Variants in RALYL observed in about 807,000 individuals in gnomAD.
RALYL encodes the protein RALY RNA binding protein like, also known as RNA-binding Raly-like protein.
RALYL carries 29 observed loss-of-function variants against 35.1 expected under a neutral mutation model. That is an observed-to-expected ratio of 0.83 (90% CI 0.61 to 1.13). The LOEUF is 1.13. RALYL is among the 50% of genes most tolerant of loss of function. The pLI is 0.00. For missense variants in RALYL, 359 were observed against 360.4 expected (o/e 1.00, Z 0.03); for synonymous variants, 120 against 127.6 (o/e 0.94, Z 0.40).
intron 2 of RALYL, among the ~76,000 whole-genome samples, chr8:84,700,717 T>C (rs766462229): frequency 3.9e-5 from 6 of 152,208 alleles, no homozygotes; most frequent in Admixed American, 1.3e-4. Flanking sequence ...TTAAATATTT[T>C]AGTAACTATT....
intron 8 of RALYL, among the ~76,000 whole-genome samples, chr8:84,917,226 C>A (rs542137286): frequency 1.3e-5 from 2 of 151,562 alleles, no homozygotes; most frequent in Non-Finnish European, 2.9e-5. Context: ...TATTGTGAGT[C>A]AGATGGAAAA....
chr8:84,330,655 A>G lies in RALYL; in HGVS notation c.-24+146231A>G, dbSNP rs973443365. Among the ~76,000 whole-genome samples, 45 of 152,024 alleles carry G rather than the reference A, an allele frequency of 3.0e-4. 1 individual carries two copies. Among genetic ancestry groups the G allele is most frequent in the Admixed American group, 3.0e-3 (45 of 15,236 alleles). ...CTTCTAATGCCTCTAGATTTTGCTT[A>G]TCTTTGAAGGCCTGTTATCCCCTAA... On this transcript the variant is annotated intron_variant, in intron 1 of 8. Transcript: ENST00000521268.
rs1293024697 is a variant in RALYL at position 84,767,455 on chromosome 8, CAGAGGG to C, written c.257-7122_257-7117del. Among the ~76,000 whole-genome samples, 15 of 152,258 alleles carry C rather than the reference CAGAGGG, an allele frequency of 9.9e-5. No homozygotes were observed. The East Asian group carries it at 2.7e-3, about 27-fold the overall frequency. ...ATTGTTTGAACCTGAGGTTTAATAT[CAGAGGG>C]ATAATTTTGGAGCAAATTTTACTTT... On this transcript the variant is annotated intron_variant, in intron 2 of 8. Coordinates refer to ENST00000521268, the MANE Select transcript of RALYL (RefSeq NM_173848.7).
At chr8:84,510,451 G>T (rs946693835) in intron 1 of RALYL, among the ~76,000 whole-genome samples, 1 of 152,080 alleles carries the variant, frequency 6.6e-6, no homozygotes, top group South Asian at 2.1e-4. Flanking sequence ...CATACATTAT[G>T]TACAACTTGC....
chr8:84,888,790 C>T (rs1248634769), intron 8 of RALYL, among the ~76,000 whole-genome samples: 1 of 152,068 alleles, frequency 6.6e-6, no homozygotes, highest in African/African-American at 2.4e-5. Context: ...CACTCTGTCC[C>T]CCAGGCTGGA....
At chr8:84,369,921 CA>C (rs1855339527) in intron 1 of RALYL, among the ~76,000 whole-genome samples, 1 of 152,034 alleles carries the variant, frequency 6.6e-6, no homozygotes, top group African/African-American at 2.4e-5. Flanking sequence ...GGCACAGTTT[CA>C]AAACAGACGG....
In RALYL at chr8:84,529,564, C is replaced by T. The variant is rs370293106; in HGVS notation, c.243C>T (p.Ala81=). 99 of 1,606,856 alleles carry T rather than the reference C, an allele frequency of 6.2e-5. No homozygotes were observed. Among genetic ancestry groups the T allele is most frequent in the Admixed American group, 1.0e-4 (6 of 59,850 alleles). Residue 81 remains alanine (A), a synonymous_variant, in exon 2 of 9, where the codon GCC becomes GCT. Coordinates refer to ENST00000521268, the MANE Select transcript of RALYL (RefSeq NM_173848.7). ...AVAGENARVI[A]GQPLDINMAG... is the part of the protein sequence containing the mutation. ...CTGGAGAAAATGCCAGAGTCATCGC[C>T]GGCCAACCACTTGGTAAGTCATGCT...
intron 6 of RALYL, among the ~76,000 whole-genome samples, chr8:84,869,591 C>T (rs952415516): frequency 6.6e-5 from 10 of 152,118 alleles, no homozygotes; most frequent in African/African-American, 2.2e-4. Flanking sequence ...ATCTTGTGCA[C>T]TGTAGGATGT....
At chr8:84,452,284 T>C (rs1587396035) in intron 1 of RALYL, among the ~76,000 whole-genome samples, 1 of 149,032 alleles carries the variant, frequency 6.7e-6, no homozygotes, top group East Asian at 2.0e-4. Flanking sequence ...CAAAGTTATG[T>C]GCTGTCAGAG....
intron 2 of RALYL, chr8:84,679,494 G>C (rs958521358): frequency 9.5e-5 from 32 of 336,306 alleles, no homozygotes; most frequent in Non-Finnish European, 1.4e-4. Context: ...TTGCTTCATT[G>C]AGTTATTGGA....
chr8:84,403,449 G>A (rs776649500), intron 1 of RALYL, among the ~76,000 whole-genome samples: 1 of 147,900 alleles, frequency 6.8e-6, no homozygotes, highest in Non-Finnish European at 1.5e-5. Flanking sequence ...CGTCAGTTTT[G>A]CCAAAGATTA....
chr8:84,728,237 T>A (rs1297864032), intron 2 of RALYL, among the ~76,000 whole-genome samples: 1 of 152,054 alleles, frequency 6.6e-6, no homozygotes, highest in African/African-American at 2.4e-5. Flanking sequence ...ATGGTGAGCA[T>A]TTTTTCGTGT....
chr8:84,368,584 A>G (rs1855024017), intron 1 of RALYL, among the ~76,000 whole-genome samples: 1 of 152,200 alleles, frequency 6.6e-6, no homozygotes, highest in African/African-American at 2.4e-5. Flanking sequence ...CCTCACAATC[A>G]TGGTGGAAGG....
chr8:84,326,703 A>G (rs1297099137), intron 1 of RALYL, among the ~76,000 whole-genome samples: 1 of 152,240 alleles, frequency 6.6e-6, no homozygotes, highest in Non-Finnish European at 1.5e-5. Flanking sequence ...ATATTTTTAT[A>G]TAACTAAGGT....
At chr8:84,194,074 T>C (rs1814634325) in intron 1 of RALYL, among the ~76,000 whole-genome samples, 1 of 152,218 alleles carries the variant, frequency 6.6e-6, no homozygotes, top group Non-Finnish European at 1.5e-5. Context: ...AAAAGACTAT[T>C]GTATTTCTAG....
chr8:84,217,843 A>G (rs1563550373), intron 1 of RALYL, among the ~76,000 whole-genome samples: 1 of 152,202 alleles, frequency 6.6e-6, no homozygotes, highest in East Asian at 1.9e-4. Context: ...TTTCCCACAA[A>G]CTAGTTCTCC....
intron 7 of RALYL, among the ~76,000 whole-genome samples, chr8:84,879,370 G>T (rs1299398435): frequency 6.6e-6 from 1 of 152,060 alleles, no homozygotes; most frequent in Non-Finnish European, 1.5e-5. Context: ...CTTCAGGAAA[G>T]AAAAAGTATT....
chr8:84,608,661 C>T (rs1344903944), intron 2 of RALYL, among the ~76,000 whole-genome samples: 1 of 152,100 alleles, frequency 6.6e-6, no homozygotes, highest in Non-Finnish European at 1.5e-5. Flanking sequence ...GTGTGCCTAT[C>T]CTAAATTCAT....
At chr8:84,763,757 T>C (rs189155235) in intron 2 of RALYL, among the ~76,000 whole-genome samples, 127 of 152,354 alleles carry the variant, frequency 8.3e-4, no homozygotes, top group African/African-American at 3.0e-3. Context: ...AAAATAACTT[T>C]TTTTAAAATC....
Sources: gnomAD v4.1 joint callset for allele counts (sites outside exome capture counted in the v4.1 genomes callset) on GRCh38, gnomAD v4.1.1 for gene constraint, MANE v1.5 for transcripts, NCBI Gene and HGNC (gene_info 2026-07-23, HGNC 2026-07-21) for gene names.